Variants in FNDC1 observed in about 807,000 individuals in gnomAD.
FNDC1 encodes the protein fibronectin type III domain-containing protein 1.
A neutral mutation model predicts 168.0 loss-of-function variants in FNDC1; 96 were observed. The observed-to-expected ratio is 0.57, with a 90% CI of 0.48 to 0.68. FNDC1 has a LOEUF of 0.68. Among genes scored for constraint, FNDC1 ranks in the 30% least tolerant of loss-of-function variants. The pLI, the probability that FNDC1 is intolerant of heterozygous loss-of-function variation, is 0.00. For synonymous variants in FNDC1, 1,099 were observed against 1,025.9 expected, an observed-to-expected ratio of 1.07 and a Z score of -1.36; for missense variants, 2,587 against 2,482.1, an observed-to-expected ratio of 1.04 and a Z score of -0.90.
intron 13 of FNDC1, 144 bp from the exon 14 acceptor site, chr6:159,239,373 T>G: frequency 1.5e-6 from 1 of 676,016 alleles, no homozygotes; most frequent in Non-Finnish European, 2.4e-6. Flanking sequence ...TGGAGCATAC[T>G]GATGCAATAT....
chr6:159,239,676 C>T lies in FNDC1; in HGVS notation c.4340C>T (p.Pro1447Leu), dbSNP rs1436913865. The T allele has an allele frequency of 6.4e-7, 1 of 1,551,548 alleles. No homozygotes were observed. Among genetic ancestry groups the T allele is most frequent in the East Asian group, 2.4e-5 (1 of 40,900 alleles). Residue 1447 changes from proline to leucine, a missense_variant, in exon 14 of 23, where the codon CCT becomes CTT. Physicochemically the swap from Pro to Leu is moderately conservative, Grantham distance 98. Transcript: ENST00000297267. ...LEVIKKTTHP[P>L]TTTMQPTTTT... ...GTCATCAAAAAAACCACCCATCCCC[C>T]TACCACTACCATGCAGCCCACCACT...
intron 19 of FNDC1, among the ~76,000 whole-genome samples, chr6:159,262,608 C>T (rs780168036): frequency 6.6e-6 from 1 of 152,142 alleles, no homozygotes. Flanking sequence ...TAAAAAAATT[C>T]AAATCCAAAA....
chr6:159,233,666 TCCTCGGA>T lies in FNDC1; in HGVS notation c.3157_3163del (p.Ser1053LeufsTer186). On this transcript the variant is annotated frameshift_variant, in exon 11 of 23. Coordinates refer to ENST00000297267, the MANE Select transcript of FNDC1 (RefSeq NM_032532.3). LOFTEE classifies it high-confidence loss of function. This position sits in a 1 kb window ranked among gnomAD's most constrained non-coding sequence, Gnocchi z 4.6. ...CACGTCGCAGGGCCGCTCCCACTCC[TCCTCGGA>T]CCCTTACACGGCGAGCTCCAGAGGG... The T allele has an allele frequency of 6.5e-7, 1 of 1,549,136 alleles. No homozygotes were observed.
chr6:159,234,180 A>G lies in FNDC1; in HGVS notation c.3668A>G (p.Glu1223Gly). 1 of 1,600,080 alleles carries G rather than the reference A, an allele frequency of 6.2e-7. No individual in the cohort carries two copies. Among genetic ancestry groups the G allele is most frequent in the Non-Finnish European group, 8.5e-7 (1 of 1,173,558 alleles). Residue 1223 changes from glutamate to glycine, a missense_variant, in exon 11 of 23, where the codon GAG (glutamate) becomes GGG (glycine). Glu to Gly is a moderately conservative substitution (Grantham distance 98). Coordinates refer to ENST00000297267, the MANE Select transcript of FNDC1 (RefSeq NM_032532.3). ...KDADGSLAKE[E>G]REPAIALAPR... ...GCCGATGGGAGCCTCGCCAAGGAAG[A>G]GAGGGAGCCTGCCATCGCGCTTGCC...
At chr6:159,182,300 G>C (rs1225438179) in intron 1 of FNDC1, among the ~76,000 whole-genome samples, 2 of 152,180 alleles carry the variant, frequency 1.3e-5, no homozygotes, top group East Asian at 3.8e-4. Context: ...AAATTGTAAT[G>C]TAGTTTCATT....
chr6:159,261,328 C>A, intron 19 of FNDC1, 59 bp downstream of exon 19: 1 of 1,159,038 alleles, frequency 8.6e-7, no homozygotes, highest in Non-Finnish European at 1.3e-6. Flanking sequence ...AATAAATAAT[C>A]TAGCATGATG....
chr6:159,225,216 C>T (rs1782926096), intron 7 of FNDC1, among the ~76,000 whole-genome samples: 1 of 151,946 alleles, frequency 6.6e-6, no homozygotes, highest in Non-Finnish European at 1.5e-5. Context: ...CACACACAAA[C>T]ACATATCCCT....
At chr6:159,212,531 T>A (rs1246660570) in intron 4 of FNDC1, among the ~76,000 whole-genome samples, 3 of 151,876 alleles carry the variant, frequency 2.0e-5, no homozygotes, top group Non-Finnish European at 4.4e-5. Flanking sequence ...TCAAAATACT[T>A]GAAAAAAATG....
chr6:159,203,636 C>T (rs1045886806), intron 4 of FNDC1, among the ~76,000 whole-genome samples: 4 of 152,224 alleles, frequency 2.6e-5, no homozygotes, highest in African/African-American at 9.7e-5. Context: ...GGATGGAAAC[C>T]TGTATCCTCT....
chr6:159,253,742 A>G (rs2115018082), intron 17 of FNDC1, among the ~76,000 whole-genome samples: 1 of 152,344 alleles, frequency 6.6e-6, no homozygotes, highest in South Asian at 2.1e-4. Context: ...ATCAGGAGTT[A>G]TGATGTGCCC....
At chr6:159,259,380 A>G (rs549576976) in intron 18 of FNDC1, among the ~76,000 whole-genome samples, 94 of 152,186 alleles carry the variant, frequency 6.2e-4, no homozygotes, top group Non-Finnish European at 1.1e-3. Flanking sequence ...CATTGTGTCA[A>G]CAGGGAAGGT....
chr6:159,199,139 G>T (rs764591230), intron 2 of FNDC1, among the ~76,000 whole-genome samples: 2 of 152,184 alleles, frequency 1.3e-5, no homozygotes, highest in Admixed American at 6.5e-5. Context: ...ACAGACTTTC[G>T]TCTCTTCAAG....
At chr6:159,258,742 C>A (rs1258987204) in intron 18 of FNDC1, among the ~76,000 whole-genome samples, 2 of 152,236 alleles carry the variant, frequency 1.3e-5, no homozygotes, top group African/African-American at 4.8e-5. Flanking sequence ...TTCTGAGCAG[C>A]TGCTAAATTT....
At chr6:159,199,846 A>G (rs1398893046) in intron 2 of FNDC1, 150 bp from the exon 3 acceptor site, 7 of 626,632 alleles carry the variant, frequency 1.1e-5, no homozygotes, top group Non-Finnish European at 2.9e-6. Context: ...AAAAAAAGAG[A>G]GACATCTATC....
intron 11 of FNDC1, 117 bp downstream of exon 11, chr6:159,234,596 G>A: frequency 1.1e-6 from 1 of 949,294 alleles, no homozygotes; most frequent in Non-Finnish European, 1.6e-6. Context: ...ACCGTGTTAA[G>A]AGCTTTGCAC....
intron 18 of FNDC1, among the ~76,000 whole-genome samples, chr6:159,258,515 G>A (rs1487402142): frequency 1.3e-5 from 2 of 152,314 alleles, no homozygotes; most frequent in South Asian, 2.1e-4. Context: ...TCAAAGAAGT[G>A]TGTGTCCTAG....
chr6:159,229,666 T>C, intron 9 of FNDC1, 149 bp from the exon 10 acceptor site: 1 of 631,776 alleles, frequency 1.6e-6, no homozygotes, highest in Non-Finnish European at 2.6e-6. Context: ...CTGCTGTGTC[T>C]TCATGCTCCA....
At chr6:159,234,978 A>G (rs945330099) in intron 11 of FNDC1, among the ~76,000 whole-genome samples, 2 of 152,216 alleles carry the variant, frequency 1.3e-5, no homozygotes, top group African/African-American at 4.8e-5. Flanking sequence ...TCTTGTCTTT[A>G]TCTTGTTCTC....
At chr6:159,215,390 G>A (rs982387871) in intron 5 of FNDC1, among the ~76,000 whole-genome samples, 10 of 152,178 alleles carry the variant, frequency 6.6e-5, no homozygotes, top group African/African-American at 2.2e-4. Flanking sequence ...TTCCTGATCC[G>A]ACAGCACAGA....
Sources: allele counts gnomAD v4.1 joint callset (sites outside exome capture counted in the v4.1 genomes callset), GRCh38; gene constraint gnomAD v4.1.1; non-coding constraint Gnocchi (gnomAD v3.1); transcripts MANE v1.5; gene names NCBI Gene and HGNC (gene_info 2026-07-23, HGNC 2026-07-21).